Variants in CDKL5 observed in about 807,000 individuals in gnomAD.
The protein encoded by CDKL5 is cyclin-dependent kinase-like 5.
In CDKL5, 8 loss-of-function variants were observed where a neutral mutation model predicts 61.7. That is an observed-to-expected ratio of 0.13 (90% CI 0.08 to 0.23). The LOEUF (loss-of-function observed/expected upper bound fraction) is 0.23. Ranked by LOEUF, CDKL5 falls within the 10% of genes least tolerant of loss-of-function variation. The pLI is 1.00. For missense variants in CDKL5, 440 were observed against 734.5 expected (o/e 0.60, Z 4.63); for synonymous variants, 275 against 272.3 (o/e 1.01, Z -0.10).
chrX:18,603,358 G>A lies in CDKL5; in HGVS notation c.978-544G>A, dbSNP rs143255135. Among the ~76,000 whole-genome samples the A allele has an allele frequency of 6.2e-5, 7 of 112,145 alleles. No homozygotes were observed. In the East Asian group the frequency reaches 1.7e-3, roughly 27 times the overall value. ...GTCATTTTCTTTTATTAAGTACATT[G>A]CTAGAATTCTCATTCTTTGATTATG... On this transcript the variant is annotated intron_variant, in intron 11 of 17. Transcript: ENST00000623535.
intron 3 of CDKL5, among the ~76,000 whole-genome samples, chrX:18,550,058 C>CCCACGCTGTAGCTGACAG (rs924855035): frequency 9.0e-6 from 1 of 111,586 alleles, no homozygotes; most frequent in Non-Finnish European, 1.9e-5. Flanking sequence ...CAAGCTGATA[C>CCCACGCTGTAGCTGACAG]CCACGCTGTA....
intron 3 of CDKL5, among the ~76,000 whole-genome samples, chrX:18,537,549 T>C (rs961413979): frequency 8.9e-6 from 1 of 112,120 alleles, no homozygotes. Flanking sequence ...TGTTTAGTTA[T>C]GTGTAATGGC....
In CDKL5 at chrX:18,428,809, A is replaced by G. The variant is rs191182131; in HGVS notation, c.-163+3114A>G. 4.4e-3 allele frequency among the ~76,000 whole-genome samples: 474 copies of G among 108,898 alleles called. 2 individuals are homozygous for G. Among genetic ancestry groups the G allele is most frequent in the African/African-American group, 0.015 (441 of 29,850 alleles). The allele number at this position is 108,898 out of a possible 115,157, so 94.6% of individuals were successfully genotyped here. A position where few individuals can be genotyped will look rare whatever the true frequency, so the allele number is the denominator to read the frequency against. Reference sequence around the variant, plus strand: ...GGCGACAGAATCTCACAGATTCTTTATCATCTGATCATGGCATCAGTTGGA... The same window carrying G: ...GGCGACAGAATCTCACAGATTCTTTGTCATCTGATCATGGCATCAGTTGGA... On this transcript the variant is annotated intron_variant, in intron 1 of 17. Transcript: ENST00000623535.
In CDKL5 at chrX:18,609,524, C is replaced by T. The variant is rs1057520416; in HGVS notation, c.2106C>T (p.His702=). ...GCACAGCCCCCAAAGAAAATAGACA[C>T]CTATACAATGATCCTGTGCCAAGGA... ...DDGTAPKENR[H]LYNDPVPRRV... Residue 702 remains histidine, a synonymous_variant, in exon 14 of 18, where the codon CAC becomes CAT. Coordinates refer to ENST00000623535, the MANE Select transcript of CDKL5 (RefSeq NM_001323289.2). 4.1e-6 allele frequency: 5 copies of T among 1,211,827 alleles called. No homozygotes were observed. The highest frequency in any genetic ancestry group is 5.6e-6 in the Non-Finnish European group (5 of 895,539).
At chrX:18,507,613 C>T (rs1325722679) in intron 2 of CDKL5, among the ~76,000 whole-genome samples, 1 of 109,583 alleles carries the variant, frequency 9.1e-6, no homozygotes, top group African/African-American at 3.3e-5. Flanking sequence ...TCACTGTTAC[C>T]CAGACTGGAG....
At chrX:18,582,006 A>G in intron 7 of CDKL5, 56 bp downstream of exon 7, 1 of 820,905 alleles carries the variant, frequency 1.2e-6, no homozygotes, top group East Asian at 3.1e-5. Flanking sequence ...ATTGTAACAC[A>G]TAGGTAGCTT....
chrX:18,501,459 C>T (rs1922379883), intron 1 of CDKL5, among the ~76,000 whole-genome samples: 1 of 111,663 alleles, frequency 9.0e-6, no homozygotes, highest in African/African-American at 3.3e-5. Flanking sequence ...CAGGCATGAG[C>T]CATCTCACCT....
At chrX:18,597,591 ATTTTTTTT>A (rs58993237) in intron 10 of CDKL5, among the ~76,000 whole-genome samples, 1 of 72,820 alleles carries the variant, frequency 1.4e-5, no homozygotes, top group Admixed American at 1.8e-4. Context: ...CTACAGAATG[ATTTTTTTT>A]TTTTTTTTTT....
At chrX:18,470,532 G>A (rs1921055657) in intron 1 of CDKL5, among the ~76,000 whole-genome samples, 1 of 110,989 alleles carries the variant, frequency 9.0e-6, no homozygotes, top group Admixed American at 9.6e-5. Context: ...ATTAATTGCT[G>A]AATTTTGAGT....
Position 18,522,975 on chromosome X carries a change from T to C in CDKL5, c.99+12121T>C, listed in dbSNP as rs1165711490. Among the ~76,000 whole-genome samples the C allele has an allele frequency of 1.7e-4, 19 of 109,016 alleles. No individual in the cohort carries two copies. In the Admixed American group the frequency reaches 1.8e-3, roughly 10 times the overall value. The allele number at this position is 109,016 out of a possible 115,157, so 94.7% of individuals were successfully genotyped here. A position where few individuals can be genotyped will look rare whatever the true frequency, so the allele number is the denominator to read the frequency against. The stretch of plus-strand genomic sequence containing the variant: ...CACACCCAGCTAATTTTTGTATTTT[T>C]AGTAGAGACAGAGTTTCACCATGTT... On this transcript the variant is annotated intron_variant, in intron 3 of 17. Transcript: ENST00000623535.
chrX:18,593,174 G>A (rs975578536), intron 9 of CDKL5, among the ~76,000 whole-genome samples: 2 of 111,994 alleles, frequency 1.8e-5, no homozygotes, highest in South Asian at 7.4e-4. Flanking sequence ...TATTGGATTG[G>A]CCAAGTGATT....
intron 6 of CDKL5, among the ~76,000 whole-genome samples, chrX:18,580,835 C>T (rs1031279522): frequency 8.9e-6 from 1 of 112,040 alleles, no homozygotes; most frequent in African/African-American, 3.2e-5. Flanking sequence ...AATATTCTCA[C>T]TTGTGAGAAT....
chrX:18,587,901 CA>C (rs1173337598), intron 8 of CDKL5, 52 bp from the exon 9 acceptor site: 7 of 1,084,324 alleles, frequency 6.5e-6, no homozygotes, highest in Non-Finnish European at 9.0e-6. Context: ...TGGAAATTAT[CA>C]AAACATTATA....
Position 18,632,211 on chromosome X carries a change from A to G in CDKL5, c.*3454A>G. The G allele has an allele frequency of 1.3e-6, 1 of 752,957 alleles. No homozygotes were observed. Among genetic ancestry groups the G allele is most frequent in the Non-Finnish European group, 1.6e-6 (1 of 638,020 alleles). 62.1% of individuals were successfully genotyped at this position (752,957 alleles called of 1,213,427 possible). ...TTCTTCAACATCACATTCTCTTAAGAGTCTTCAACCACTATGCCTGAATCC... is the reference window on the plus strand; with the variant it reads ...TTCTTCAACATCACATTCTCTTAAGGGTCTTCAACCACTATGCCTGAATCC... On this transcript the variant is annotated 3_prime_UTR_variant, in exon 18 of 18. Transcript: ENST00000623535.
In CDKL5 at chrX:18,617,348, T is replaced by G. The variant is rs138200711; in HGVS notation, c.2277-2519T>G. ...CTTCTCAAAGCTTCTGTCTCTGAGA[T>G]TGATGTGAACCCCCTATTTACCCTT... On this transcript the variant is annotated intron_variant, in intron 15 of 17. Coordinates refer to ENST00000623535, the MANE Select transcript of CDKL5 (RefSeq NM_001323289.2). Among the ~76,000 whole-genome samples, 503 of 111,847 alleles carry G rather than the reference T, an allele frequency of 4.5e-3. 4 individuals are homozygous for G. Among genetic ancestry groups the G allele is most frequent in the African/African-American group, 0.015 (456 of 30,723 alleles).
rs182320796 is a variant in CDKL5 at position 18,510,029 on chromosome X, A to G, written c.65-791A>G. 6.5e-3 allele frequency among the ~76,000 whole-genome samples: 724 copies of G among 110,553 alleles called. 4 individuals carry two copies. The highest frequency in any genetic ancestry group is 9.5e-3 in the Non-Finnish European group (502 of 52,850). On this transcript the variant is annotated intron_variant, in intron 2 of 17. Transcript: ENST00000623535. The stretch of plus-strand genomic sequence containing the variant: ...AACAAAACAAAACAGAAAAAAAAAA[A>G]AAAAGAGGGGCATTTCAGTATCCTA...
chrX:18,637,108 A>G lies in CDKL5; in HGVS notation c.*8351A>G, dbSNP rs1199175787. The G allele has an allele frequency of 9.0e-6, 1 of 111,576 alleles. No homozygotes were observed. The highest frequency in any genetic ancestry group is 1.9e-5 in the Non-Finnish European group (1 of 53,066). The allele number at this position is 111,576 out of a possible 1,213,427, so 9.2% of individuals were successfully genotyped here. Reference sequence around the variant, plus strand: ...CCCCGTCTGTACTAAAAATACAAAAATTAGGTCTGGGCGGTGGCTCACGCC... The same window carrying G: ...CCCCGTCTGTACTAAAAATACAAAAGTTAGGTCTGGGCGGTGGCTCACGCC... On this transcript the variant is annotated 3_prime_UTR_variant, in exon 18 of 18. Transcript: ENST00000623535.
intron 11 of CDKL5, among the ~76,000 whole-genome samples, chrX:18,603,123 A>C (rs769211105): frequency 8.9e-6 from 1 of 112,046 alleles, no homozygotes; most frequent in Admixed American, 9.5e-5. Flanking sequence ...AGGATAATGA[A>C]ATGTTAAATA....
intron 1 of CDKL5, among the ~76,000 whole-genome samples, chrX:18,438,135 G>C (rs901368889): frequency 9.0e-6 from 1 of 110,727 alleles, no homozygotes; most frequent in Non-Finnish European, 1.9e-5. Flanking sequence ...GCGCAATCTC[G>C]GCTCACTGCA....
Sources: gnomAD v4.1 joint callset for allele counts (sites outside exome capture counted in the v4.1 genomes callset) on GRCh38, gnomAD v4.1.1 for gene constraint, MANE v1.5 for transcripts, NCBI Gene and HGNC (gene_info 2026-07-23, HGNC 2026-07-21) for gene names.